CNOT10: variants seen among roughly 807,000 people sequenced by gnomAD.
CNOT10 encodes the protein CCR4-NOT transcription complex subunit 10, also known as CCR4-NOT transcription complex, subunit 10.
A neutral mutation model predicts 94.6 loss-of-function variants in CNOT10; 30 were observed. That is an observed-to-expected ratio of 0.32 (90% confidence interval 0.24 to 0.43). The LOEUF is 0.43. Among genes scored for constraint, CNOT10 ranks in the 20% least tolerant of loss-of-function variants. The pLI, the probability that CNOT10 is intolerant of heterozygous loss-of-function variation, is 1.00. For synonymous variants in CNOT10, 289 were observed against 301.6 expected, an observed-to-expected ratio of 0.96 and a Z score of 0.43; for missense variants, 759 against 877.2, an observed-to-expected ratio of 0.87 and a Z score of 1.70.
intron 14 of CNOT10, among the ~76,000 whole-genome samples, chr3:32,762,438 T>G (rs1461377938): frequency 1.3e-5 from 2 of 151,672 alleles, no homozygotes; most frequent in Non-Finnish European, 2.9e-5. Flanking sequence ...CCCAGCTAAT[T>G]TTTGTATTTT....
At position 32,689,363 on chromosome 3, in the gene CNOT10, A is replaced by G. The variant is rs541535584; in HGVS notation, c.22+3881A>G. ...AGCAAAACACCATCTCAAAAAAAAAAAAAAAGAAAAAGAAAAAAAAGAATA... is the reference window on the plus strand; with the variant it reads ...AGCAAAACACCATCTCAAAAAAAAAGAAAAAGAAAAAGAAAAAAAAGAATA... On this transcript the variant is annotated intron_variant, in intron 1 of 18. Transcript: ENST00000328834. 7.9e-5 allele frequency among the ~76,000 whole-genome samples: 12 copies of G among 152,002 alleles called. No individual in the cohort carries two copies. In the South Asian group the frequency reaches 2.1e-3, roughly 26 times the overall value.
chr3:32,741,426 GAACGTCC>G (rs1393087047), intron 13 of CNOT10, among the ~76,000 whole-genome samples: 1 of 152,060 alleles, frequency 6.6e-6, no homozygotes, highest in African/African-American at 2.4e-5. Flanking sequence ...CTCTCAGGAT[GAACGTCC>G]AACAGTGCTG....
At chr3:32,690,998 T>TC (rs1696825561) in intron 1 of CNOT10, among the ~76,000 whole-genome samples, 1 of 818 alleles carries the variant, frequency 1.2e-3, no homozygotes, top group East Asian at 0.17. Context: ...TAGCTATGAC[T>TC]TTTTTTTTTT....
intron 10 of CNOT10, among the ~76,000 whole-genome samples, chr3:32,728,979 C>T (rs559044052): frequency 6.6e-6 from 1 of 152,236 alleles, no homozygotes; most frequent in African/African-American, 2.4e-5. Context: ...GCCTGTAGTC[C>T]CAGCTACTCG....
At chr3:32,687,309 A>G (rs1376921338) in intron 1 of CNOT10, among the ~76,000 whole-genome samples, 2 of 151,496 alleles carry the variant, frequency 1.3e-5, no homozygotes, top group African/African-American at 2.4e-5. Flanking sequence ...TTTATGTCCT[A>G]AGACATTCAT....
chr3:32,750,947 G>A (rs886365533), intron 13 of CNOT10, among the ~76,000 whole-genome samples: 2 of 152,122 alleles, frequency 1.3e-5, no homozygotes, highest in East Asian at 1.9e-4. Flanking sequence ...TTTGTTATTC[G>A]TTCTGAGATT....
intron 1 of CNOT10, among the ~76,000 whole-genome samples, chr3:32,688,458 A>AT (rs1395565976): frequency 6.6e-6 from 1 of 151,964 alleles, no homozygotes; most frequent in Non-Finnish European, 1.5e-5. Flanking sequence ...TTAGCCAGGC[A>AT]TGCTGGCGCA....
chr3:32,773,328 T>A, intron 18 of CNOT10, 129 bp from the exon 19 acceptor site: 2 of 945,962 alleles, frequency 2.1e-6, no homozygotes, highest in Non-Finnish European at 3.1e-6. Context: ...GATTCCAGTA[T>A]ACAGCCAAGG....
At chr3:32,713,113 G>A in intron 4 of CNOT10, 114 bp from the exon 5 acceptor site, 1 of 804,362 alleles carries the variant, frequency 1.2e-6, no homozygotes, top group Non-Finnish European at 1.9e-6. Flanking sequence ...ATTCATTTGA[G>A]TAAAGACTTA....
chr3:32,730,214 G>A (rs987132903), intron 10 of CNOT10, among the ~76,000 whole-genome samples: 3 of 152,072 alleles, frequency 2.0e-5, no homozygotes, highest in African/African-American at 7.2e-5. Context: ...GGGAAAGATT[G>A]TAAAGTTTAA....
intron 1 of CNOT10, chr3:32,687,766 TGTG>T (rs1696694596): frequency 6.6e-6 from 1 of 152,168 alleles, no homozygotes; most frequent in Admixed American, 6.6e-5. Context: ...CTCACTCTAA[TGTG>T]GTTTGTGAGC....
chr3:32,686,652 G>A (rs576216646), intron 1 of CNOT10, among the ~76,000 whole-genome samples: 3 of 152,180 alleles, frequency 2.0e-5, no homozygotes, highest in Non-Finnish European at 4.4e-5. Flanking sequence ...GAGGAAAGGT[G>A]GATGAGGGAG....
In CNOT10 at chr3:32,759,570, A is replaced by C; in HGVS notation, c.1708A>C (p.Lys570Gln). Residue 570 changes from lysine (K) to glutamine (Q), a missense_variant and splice_region_variant, in exon 14 of 19, where the codon AAG becomes CAG. This residue lies in a region of CNOT10 where 682 missense variants were observed against 799.4 expected (regional missense o/e 0.85). Coordinates refer to ENST00000328834, the MANE Select transcript of CNOT10 (RefSeq NM_015442.3). ...GCAGCCCAAGCTGTCAGGATCTCTTAAGTAAGTGTGACTTGCCCTGTGTGT... is the reference window on the plus strand; with the variant it reads ...GCAGCCCAAGCTGTCAGGATCTCTTCAGTAAGTGTGACTTGCCCTGTGTGT... ...LQQPKLSGSL[K>Q]FLGHLYAAEA... is the part of the protein sequence containing the mutation. 1.2e-6 allele frequency: 2 copies of C among 1,608,772 alleles called. No homozygotes were observed. The highest frequency in any genetic ancestry group is 1.7e-6 in the Non-Finnish European group (2 of 1,175,338).
At chr3:32,725,719 C>T in intron 9 of CNOT10, 120 bp downstream of exon 9, 1 of 876,142 alleles carries the variant, frequency 1.1e-6, no homozygotes, top group Non-Finnish European at 1.7e-6. Flanking sequence ...TCTGATCTTA[C>T]CCAACAAGTT....
chr3:32,759,921 G>A (rs1455521300), intron 14 of CNOT10, among the ~76,000 whole-genome samples: 1 of 152,096 alleles, frequency 6.6e-6, no homozygotes, highest in Non-Finnish European at 1.5e-5. Flanking sequence ...GGTGGCTCAC[G>A]CCTGTAATCC....
chr3:32,766,159 C>T lies in CNOT10; in HGVS notation c.2004+1350C>T, dbSNP rs1249428514. ...TAGCTGGGATTACAGGCATGTACCA[C>T]CACGCCCGGCTAATTTTGTATTTTT... On this transcript the variant is annotated intron_variant, in intron 17 of 18. Coordinates refer to ENST00000328834, the MANE Select transcript of CNOT10 (RefSeq NM_015442.3). 3.3e-4 allele frequency among the ~76,000 whole-genome samples: 15 copies of T among 46,072 alleles called. 7 individuals are homozygous for T. The highest frequency in any genetic ancestry group is 7.1e-4 in the Non-Finnish European group (15 of 21,054). The allele number at this position is 46,072 out of a possible 152,430, so 30.2% of individuals were successfully genotyped here.
intron 12 of CNOT10, among the ~76,000 whole-genome samples, chr3:32,735,259 T>G (rs1006054383): frequency 6.6e-6 from 1 of 151,260 alleles, no homozygotes; most frequent in African/African-American, 2.5e-5. Flanking sequence ...GCAAGAAAAT[T>G]GCTTGAACCC....
intron 1 of CNOT10, among the ~76,000 whole-genome samples, chr3:32,687,439 G>GCTTTTTTTTTTTTTTT (rs1696653228): frequency 1.9e-5 from 1 of 51,320 alleles, no homozygotes; most frequent in East Asian, 7.5e-4. Flanking sequence ...AGTCCTCACG[G>GCTTTTTTTTTTTTTTT]TTTTTTTTTT....
At chr3:32,741,909 T>G (rs1184565393) in intron 13 of CNOT10, among the ~76,000 whole-genome samples, 3 of 152,022 alleles carry the variant, frequency 2.0e-5, no homozygotes, top group Non-Finnish European at 2.9e-5. Flanking sequence ...TTAAAAAAAT[T>G]TATTTTTTCA....
Sources: allele counts gnomAD v4.1 joint callset (sites outside exome capture counted in the v4.1 genomes callset), GRCh38; gene constraint gnomAD v4.1.1; regional missense constraint gnomAD v4.1.1; transcripts MANE v1.5; gene names NCBI Gene and HGNC (gene_info 2026-07-23, HGNC 2026-07-21).